ANO4: variants seen among roughly 807,000 people sequenced by gnomAD.
ANO4 encodes anoctamin-4.
A neutral mutation model predicts 141.9 loss-of-function variants in ANO4; 69 were observed. The ratio of observed to expected loss-of-function variants is 0.49; its 90% CI spans 0.40 to 0.59. The LOEUF is 0.59. Among genes scored for constraint, ANO4 ranks in the 20% least tolerant of loss-of-function variants. ANO4 has a pLI of 0.00. For synonymous variants in ANO4, 350 were observed against 394.3 expected (o/e 0.89, Z 1.33); for missense variants, 894 against 1,162.2 (o/e 0.77, Z 3.36).
chr12:101,096,057 T>G (rs2049969911), intron 18 of ANO4, among the ~76,000 whole-genome samples: 1 of 152,192 alleles, frequency 6.6e-6, no homozygotes, highest in African/African-American at 2.4e-5. Context: ...AGTCAAATGC[T>G]CTTAGCCTTC....
rs74728418 is a variant in ANO4, at chr12:100,803,656, C to G, written c.-141+8629C>G. On this transcript the variant is annotated intron_variant, in intron 1 of 27. Coordinates refer to ENST00000392977, the MANE Select transcript of ANO4 (RefSeq NM_001286615.2). ...CTGGGCTCTGGGGCAGACATTGTAC[C>G]CATCCTTACTCTGCCACTTACTCAC... 6.4e-3 allele frequency among the ~76,000 whole-genome samples: 972 copies of G among 152,182 alleles called. 12 individuals carry two copies. Among genetic ancestry groups the G allele is most frequent in the African/African-American group, 0.023 (942 of 41,522 alleles).
chr12:100,889,785 TTGG>T (rs947861744), intron 1 of ANO4, among the ~76,000 whole-genome samples: 1 of 152,190 alleles, frequency 6.6e-6, no homozygotes, highest in Non-Finnish European at 1.5e-5. Context: ...TTTTACACTG[TTGG>T]TGGGATGTAA....
chr12:100,836,246 G>A (rs2036905222), intron 1 of ANO4, among the ~76,000 whole-genome samples: 1 of 152,050 alleles, frequency 6.6e-6, no homozygotes. Flanking sequence ...AAGTTTGCCT[G>A]GGCTCAGAAG....
chr12:100,732,316 T>A (rs2031411133), intron 1 of ANO4, among the ~76,000 whole-genome samples: 1 of 152,218 alleles, frequency 6.6e-6, no homozygotes, highest in African/African-American at 2.4e-5. Context: ...TGCATTTCTC[T>A]GGTGTCTGAC....
chr12:100,746,592 C>G (rs1264685038), intron 3 of ANO4, among the ~76,000 whole-genome samples: 1 of 152,172 alleles, frequency 6.6e-6, no homozygotes, highest in Non-Finnish European at 1.5e-5. Context: ...TTGGCAATGT[C>G]TGCAGATATT....
At chr12:100,996,806 A>G (rs1215999022) in intron 8 of ANO4, among the ~76,000 whole-genome samples, 1 of 152,246 alleles carries the variant, frequency 6.6e-6, no homozygotes, top group Non-Finnish European at 1.5e-5. Context: ...GACTGTTCTC[A>G]GCAGAAAAGG....
At chr12:100,841,945 G>A (rs1033918193) in intron 1 of ANO4, among the ~76,000 whole-genome samples, 1 of 151,612 alleles carries the variant, frequency 6.6e-6, no homozygotes, top group African/African-American at 2.4e-5. Flanking sequence ...CCTCTTTGGG[G>A]ATCTGGAATC....
chr12:101,041,787 A>C (rs2047420636), intron 11 of ANO4, among the ~76,000 whole-genome samples: 1 of 152,220 alleles, frequency 6.6e-6, no homozygotes, highest in Admixed American at 6.5e-5. Flanking sequence ...CGGATGTGGC[A>C]GCACCCCTGT....
intron 3 of ANO4, among the ~76,000 whole-genome samples, chr12:100,930,725 A>C (rs1474108896): frequency 6.6e-6 from 1 of 152,206 alleles, no homozygotes; most frequent in Non-Finnish European, 1.5e-5. Flanking sequence ...GGGAGATGTC[A>C]ACACAACCAT....
chr12:100,944,827 A>C (rs1300602616), intron 5 of ANO4, among the ~76,000 whole-genome samples: 1 of 152,204 alleles, frequency 6.6e-6, no homozygotes, highest in Non-Finnish European at 1.5e-5. Flanking sequence ...ACAGTAAACA[A>C]ACCTTCATCC....
At chr12:100,966,064 G>T (rs756877139) in intron 5 of ANO4, among the ~76,000 whole-genome samples, 1 of 152,094 alleles carries the variant, frequency 6.6e-6, no homozygotes, top group South Asian at 2.1e-4. Context: ...GACAGGAATT[G>T]GGTGCTTGGA....
At chr12:101,070,557 A>T (rs969277537) in intron 14 of ANO4, among the ~76,000 whole-genome samples, 7 of 152,330 alleles carry the variant, frequency 4.6e-5, no homozygotes, top group Admixed American at 4.6e-4. Flanking sequence ...TCGAACTATG[A>T]AACTACTAAA....
chr12:100,953,523 G>A (rs1313109286), intron 5 of ANO4, among the ~76,000 whole-genome samples: 1 of 152,056 alleles, frequency 6.6e-6, no homozygotes, highest in Non-Finnish European at 1.5e-5. Flanking sequence ...AGCAGTCTGT[G>A]GTATCTAATA....
intron 1 of ANO4, chr12:100,842,061 A>AACCC (rs1565926522): frequency 3.5e-4 from 18 of 51,290 alleles, no homozygotes; most frequent in East Asian, 1.0e-3. Context: ...GTAAATATCC[A>AACCC]CCCCCCCCCC....
intron 1 of ANO4, among the ~76,000 whole-genome samples, chr12:100,798,155 G>A (rs2034450472): frequency 6.6e-6 from 1 of 152,168 alleles, no homozygotes; most frequent in African/African-American, 2.4e-5. Context: ...TGTTAAGAGG[G>A]GGAGTTTATG....
intron 3 of ANO4, among the ~76,000 whole-genome samples, chr12:100,926,600 G>GTT (rs1283221383): frequency 6.8e-6 from 1 of 148,142 alleles, no homozygotes; most frequent in Non-Finnish European, 1.5e-5. Context: ...ACAAGGGTGT[G>GTT]TTTGTGTGTG....
intron 7 of ANO4, among the ~76,000 whole-genome samples, chr12:100,977,160 A>ATACATGTAATAATTAATAAT (rs2044234855): frequency 6.6e-6 from 1 of 152,174 alleles, no homozygotes; most frequent in South Asian, 2.1e-4. Flanking sequence ...GTAATAATTA[A>ATACATGTAATAATTAATAAT]TACATGTAAT....
At chr12:100,821,334 T>C (rs1821400334) in intron 1 of ANO4, among the ~76,000 whole-genome samples, 1 of 152,102 alleles carries the variant, frequency 6.6e-6, no homozygotes, top group Non-Finnish European at 1.5e-5. Context: ...GCCTTTCTCT[T>C]AGTGCTATTT....
At chr12:100,841,536 AG>A (rs1288625033) in intron 1 of ANO4, among the ~76,000 whole-genome samples, 1 of 152,156 alleles carries the variant, frequency 6.6e-6, no homozygotes, top group African/African-American at 2.4e-5. Context: ...AATAATGAAT[AG>A]GGGGTTGCAA....
Sources: gnomAD v4.1 joint callset for allele counts (sites outside exome capture counted in the v4.1 genomes callset) on GRCh38, gnomAD v4.1.1 for gene constraint, MANE v1.5 for transcripts, NCBI Gene and HGNC (gene_info 2026-07-23, HGNC 2026-07-21) for gene names.